The following CDK12 variants were observed in gnomAD, a reference collection of about 807,000 sequenced individuals.
CDK12 encodes the protein cyclin dependent kinase 12.
Under a neutral mutation model 133.8 loss-of-function variants are expected in CDK12, and 17 were observed. The ratio of observed to expected loss-of-function variants is 0.13; its 90% CI spans 0.09 to 0.19. The LOEUF (loss-of-function observed/expected upper bound fraction) is 0.19, where lower values mean the gene tolerates loss of function less well. Ranked by LOEUF, CDK12 falls within the 10% of genes least tolerant of loss-of-function variation. CDK12 has a pLI of 1.00. For synonymous variants in CDK12, 694 were observed against 683.6 expected, an observed-to-expected ratio of 1.02 and a Z score of -0.24; for missense variants, 1,508 against 1,818.7, an observed-to-expected ratio of 0.83 and a Z score of 3.11.
chr17:39,479,015 A>G (rs1343486279), intron 2 of CDK12, among the ~76,000 whole-genome samples: 1 of 152,044 alleles, frequency 6.6e-6, no homozygotes, highest in Non-Finnish European at 1.5e-5. Flanking sequence ...GCTTTTTAGA[A>G]AGAAATCTAA....
At chr17:39,538,033 C>T (rs2055220992), downstream of CDK12, among the ~76,000 whole-genome samples, 1 of 152,074 alleles carries the variant, frequency 6.6e-6, no homozygotes, top group African/African-American at 2.4e-5. Flanking sequence ...AGTAGTCTTA[C>T]CTTTAGGGTT....
Position 39,471,267 on chromosome 17 carries a change from G to T in CDK12, c.1435G>T (p.Gly479Trp), listed in dbSNP as rs1429302451. ...AGAGGTAAAAAATTCTTCAGATACA[G>T]GGAAAGTAAAGTTGGATGAGAACTC... ...NTEVKNSSDT[G>W]KVKLDENSEK... is the part of the protein sequence containing the mutation. Residue 479 changes from glycine to tryptophan, a missense_variant, in exon 2 of 14, where the codon GGG becomes TGG. This residue lies in a region of CDK12 where 347 missense variants were observed against 330.8 expected (regional missense o/e 1.05). Coordinates refer to ENST00000447079, the MANE Select transcript of CDK12 (RefSeq NM_016507.4). 1 of 1,612,340 alleles carries T rather than the reference G, an allele frequency of 6.2e-7. No individual in the cohort carries two copies. Among genetic ancestry groups the T allele is most frequent in the South Asian group, 1.1e-5 (1 of 90,826 alleles).
At chr17:39,491,425 T>TG (rs943459257) in intron 3 of CDK12, among the ~76,000 whole-genome samples, 19 of 151,940 alleles carry the variant, frequency 1.3e-4, no homozygotes, top group African/African-American at 4.3e-4. Context: ...TTAGTAGAGA[T>TG]GGGGTTTCAC....
At chr17:39,492,660 C>T (rs113544253) in intron 3 of CDK12, 91 bp from the exon 4 acceptor site, 13 of 855,536 alleles carry the variant, frequency 1.5e-5, no homozygotes, top group African/African-American at 3.4e-5. Flanking sequence ...CTGCCAGCCT[C>T]GGCCTCCCAA....
At position 39,477,577 on chromosome 17, in the gene CDK12, T is replaced by A. The variant is rs530846432; in HGVS notation, c.1931+5814T>A. ...TATTTTTATTTATTTATTATTTATT[T>A]TTTTTTTTTTTTTGAGTCAGAGTCT... On this transcript the variant is annotated intron_variant, in intron 2 of 13. Coordinates refer to ENST00000447079, the MANE Select transcript of CDK12 (RefSeq NM_016507.4). Among the ~76,000 whole-genome samples, 273 of 146,634 alleles carry A rather than the reference T, an allele frequency of 1.9e-3. 1 individual carries two copies. The highest frequency in any genetic ancestry group is 4.8e-3 in the African/African-American group (187 of 39,330).
At chr17:39,492,600 G>A (rs1020699272) in intron 3 of CDK12, 151 bp from the exon 4 acceptor site, 24 of 490,010 alleles carry the variant, frequency 4.9e-5, no homozygotes, top group Non-Finnish European at 4.2e-5. Context: ...TAGTAAAGAC[G>A]GGGTTTCACC....
At chr17:39,546,991 A>G (rs1279182204), upstream of CDK12, among the ~76,000 whole-genome samples, 1 of 152,094 alleles carries the variant, frequency 6.6e-6, no homozygotes, top group African/African-American at 2.4e-5. Flanking sequence ...GGGTGTGGGA[A>G]TGGACCAGTA....
chr17:39,467,367 G>A (rs572895268), intron 1 of CDK12, among the ~76,000 whole-genome samples: 1 of 152,280 alleles, frequency 6.6e-6, no homozygotes, highest in Admixed American at 6.5e-5. Context: ...TAGTTGAGTG[G>A]AACCTAACTT....
intron 3 of CDK12, among the ~76,000 whole-genome samples, chr17:39,491,701 ATTTTTTT>A (rs766596742): frequency 2.5e-5 from 3 of 117,934 alleles, no homozygotes; most frequent in Admixed American, 8.8e-5. Flanking sequence ...CTGTTTATGT[ATTTTTTT>A]TTTTTTTTTT....
chr17:39,493,628 T>G (rs1170254627), intron 4 of CDK12, among the ~76,000 whole-genome samples: 1 of 152,008 alleles, frequency 6.6e-6, no homozygotes, highest in African/African-American at 2.4e-5. Flanking sequence ...CCTGGCCAAA[T>G]TTTTAGTTCT....
intron 2 of CDK12, among the ~76,000 whole-genome samples, chr17:39,555,385 T>A (rs1382089623): frequency 6.6e-6 from 1 of 151,958 alleles, no homozygotes; most frequent in Non-Finnish European, 1.5e-5. Context: ...TGCTGGCAGC[T>A]CTGCTCTCCT....
At chr17:39,540,624 T>C (rs2143729756) in intron 1 of CDK12, among the ~76,000 whole-genome samples, 1 of 152,358 alleles carries the variant, frequency 6.6e-6, no homozygotes, top group South Asian at 2.1e-4. Flanking sequence ...GGATGCACAA[T>C]TCTCTAGCTT....
At chr17:39,513,038 A>C (rs1263820402) in intron 8 of CDK12, among the ~76,000 whole-genome samples, 1 of 152,182 alleles carries the variant, frequency 6.6e-6, no homozygotes, top group East Asian at 1.9e-4. Flanking sequence ...TACAGTAGAA[A>C]ACATCTTGTT....
chr17:39,558,678 T>C (rs2056252504), intron 3 of CDK12, among the ~76,000 whole-genome samples: 1 of 152,252 alleles, frequency 6.6e-6, no homozygotes, highest in Non-Finnish European at 1.5e-5. Flanking sequence ...AGTTTTGCTC[T>C]TGTTGCCCAG....
At chr17:39,530,478 G>C (rs147659673) in intron 13 of CDK12, 126 bp from the exon 14 acceptor site, 2 of 1,354,400 alleles carry the variant, frequency 1.5e-6, no homozygotes, top group African/African-American at 2.9e-5. Flanking sequence ...CTGATCCCAA[G>C]ATTTTATTCT....
chr17:39,510,379 A>T (rs557995926), intron 7 of CDK12, among the ~76,000 whole-genome samples: 1 of 151,998 alleles, frequency 6.6e-6, no homozygotes, highest in African/African-American at 2.4e-5. Flanking sequence ...TCAGCTTCTC[A>T]GAGTGCTGGG....
intron 9 of CDK12, 72 bp from the exon 10 acceptor site, chr17:39,517,368 G>C: frequency 2.3e-6 from 2 of 854,412 alleles, no homozygotes; most frequent in Admixed American, 2.0e-5. Context: ...AATAATTTCT[G>C]CTTCTGAAAC....
downstream of CDK12, among the ~76,000 whole-genome samples, chr17:39,538,535 C>T (rs1282071664): frequency 6.6e-6 from 1 of 152,204 alleles, no homozygotes; most frequent in Non-Finnish European, 1.5e-5. Flanking sequence ...GTGTCAGGCG[C>T]TGCCTAAGTG....
intron 9 of CDK12, among the ~76,000 whole-genome samples, chr17:39,516,824 G>A (rs1214473934): frequency 1.3e-5 from 2 of 151,154 alleles, no homozygotes; most frequent in African/African-American, 2.4e-5. Flanking sequence ...CACCACACGC[G>A]GCTCATTTTT....
Sources: gnomAD v4.1 joint callset for allele counts (sites outside exome capture counted in the v4.1 genomes callset) on GRCh38, gnomAD v4.1.1 for gene constraint, gnomAD v4.1.1 regional missense constraint, MANE v1.5 for transcripts, NCBI Gene and HGNC (gene_info 2026-07-23, HGNC 2026-07-21) for gene names.